Variants in OLFM3 observed in about 807,000 individuals in gnomAD.
OLFM3 encodes the protein olfactomedin 3.
A neutral mutation model predicts 48.6 loss-of-function variants in OLFM3; 20 were observed. The observed-to-expected ratio is 0.41, with a 90% CI of 0.29 to 0.60. The LOEUF (loss-of-function observed/expected upper bound fraction) is 0.60. Ranked by LOEUF, OLFM3 falls within the 20% of genes least tolerant of loss-of-function variation. The pLI, the probability that OLFM3 is intolerant of heterozygous loss-of-function variation, is 0.28. For synonymous variants in OLFM3, 222 were observed against 198.1 expected, an observed-to-expected ratio of 1.12 and a Z score of -1.01; for missense variants, 437 against 544.3, an observed-to-expected ratio of 0.80 and a Z score of 1.96.
chr1:101,924,320 C>T (rs1468162069), intron 1 of OLFM3, among the ~76,000 whole-genome samples: 2 of 152,164 alleles, frequency 1.3e-5, no homozygotes, highest in Non-Finnish European at 2.9e-5. Context: ...GTGAAATTCA[C>T]AGTTCTTATG....
chr1:101,965,264 C>T (rs1660576077), intron 1 of OLFM3, among the ~76,000 whole-genome samples: 1 of 152,112 alleles, frequency 6.6e-6, no homozygotes, highest in African/African-American at 2.4e-5. Flanking sequence ...CGGGAACTAA[C>T]CTTCAGGGCA....
At chr1:101,891,195 A>G (rs940224836) in intron 1 of OLFM3, among the ~76,000 whole-genome samples, 2 of 152,026 alleles carry the variant, frequency 1.3e-5, no homozygotes, top group Admixed American at 1.3e-4. Context: ...GGAAGGATTT[A>G]GCTAGAGATT....
chr1:101,815,514 G>A lies in OLFM3; in HGVS notation c.593-9332C>T, dbSNP rs534249022. On this transcript the variant is annotated intron_variant, in intron 4 of 5. Coordinates refer to ENST00000370103, the MANE Select transcript of OLFM3 (RefSeq NM_058170.4). ...GTGAAAGATGATGGAAGCAGTTGTG[G>A]AGATGGAGAAAAGTAGATGGACTTG... is the stretch of plus-strand genomic sequence containing the variant. Among the ~76,000 whole-genome samples the A allele has an allele frequency of 3.9e-5, 6 of 152,078 alleles. No homozygotes were observed. The South Asian group carries it at 1.2e-3, about 32-fold the overall frequency.
chr1:101,806,041 A>C lies in OLFM3; in HGVS notation c.699+35T>G, dbSNP rs776235811. ...AAGAGAAAAAGTGTAAGCAGAACTT[A>C]ATTCTAAGCAAAGGTGTTTGTGGGA... is the stretch of plus-strand genomic sequence containing the variant. On this transcript the variant is annotated intron_variant, in intron 5 of 5. Coordinates refer to ENST00000370103, the MANE Select transcript of OLFM3 (RefSeq NM_058170.4). 18 of 1,485,808 alleles carry C rather than the reference A, an allele frequency of 1.2e-5. No individual in the cohort carries two copies. In the African/African-American group the frequency reaches 1.5e-4, roughly 13 times the overall value. The allele number at this position is 1,485,808 out of a possible 1,614,324, so 92.0% of individuals were successfully genotyped here. A position where few individuals can be genotyped will look rare whatever the true frequency, so the allele number is the denominator to read the frequency against.
At chr1:101,922,033 T>C (rs1264220365) in intron 1 of OLFM3, among the ~76,000 whole-genome samples, 2 of 151,820 alleles carry the variant, frequency 1.3e-5, no homozygotes, top group African/African-American at 4.8e-5. Context: ...CACTCCAGCC[T>C]GGGTAATAGA....
At chr1:101,911,469 TA>T (rs1267255406) in intron 1 of OLFM3, among the ~76,000 whole-genome samples, 5 of 152,106 alleles carry the variant, frequency 3.3e-5, no homozygotes, top group Non-Finnish European at 5.9e-5. Flanking sequence ...GGACTTACTT[TA>T]AAGATTGTGA....
chr1:101,900,245 C>T (rs532600970), intron 1 of OLFM3, among the ~76,000 whole-genome samples: 104 of 152,212 alleles, frequency 6.8e-4, no homozygotes, highest in African/African-American at 2.3e-3. Flanking sequence ...TGAACACAGA[C>T]TTGAAAAATA....
intron 1 of OLFM3, among the ~76,000 whole-genome samples, chr1:101,841,711 T>G (rs1250166700): frequency 6.6e-6 from 1 of 152,236 alleles, no homozygotes; most frequent in Non-Finnish European, 1.5e-5. Flanking sequence ...AAGAGAATTC[T>G]GATCCTTTGA....
At chr1:101,966,608 C>G (rs368711739) in intron 1 of OLFM3, among the ~76,000 whole-genome samples, 1 of 152,070 alleles carries the variant, frequency 6.6e-6, no homozygotes, top group African/African-American at 2.4e-5. Context: ...AAAATGTTTT[C>G]ATGTTATGTG....
chr1:101,959,257 T>C (rs1243717848), intron 1 of OLFM3, among the ~76,000 whole-genome samples: 1 of 152,076 alleles, frequency 6.6e-6, no homozygotes, highest in Non-Finnish European at 1.5e-5. Context: ...GATAAAAATA[T>C]AAAGCCAAAC....
chr1:101,956,564 A>G (rs1391033037), intron 1 of OLFM3, among the ~76,000 whole-genome samples: 5 of 151,922 alleles, frequency 3.3e-5, no homozygotes, highest in South Asian at 2.1e-4. Flanking sequence ...CCAGAGTTCT[A>G]CCTTCAATGG....
intron 1 of OLFM3, among the ~76,000 whole-genome samples, chr1:101,984,722 T>C (rs1236806798): frequency 1.3e-5 from 2 of 152,210 alleles, no homozygotes; most frequent in Non-Finnish European, 2.9e-5. Context: ...TTCTATATTA[T>C]CTATCTTCTT....
At chr1:101,935,524 A>G (rs1161377268) in intron 1 of OLFM3, among the ~76,000 whole-genome samples, 1 of 152,158 alleles carries the variant, frequency 6.6e-6, no homozygotes, top group Non-Finnish European at 1.5e-5. Context: ...AGATGGAATC[A>G]TAGCTGAATT....
At position 101,855,893 on chromosome 1, in the gene OLFM3, G is replaced by T. The variant is rs141454194; in HGVS notation, c.70-18868C>A. ...GTGGTTGTGTGAAAGAACAAAATTG[G>T]ATCTTCAAATGTGCAATTTTCTGAA... On this transcript the variant is annotated intron_variant, in intron 1 of 5. Coordinates refer to ENST00000370103, the MANE Select transcript of OLFM3 (RefSeq NM_058170.4). Among the ~76,000 whole-genome samples, 64 of 152,098 alleles carry T rather than the reference G, an allele frequency of 4.2e-4. 2 individuals carry two copies. The East Asian group carries it at 7.9e-3, about 19-fold the overall frequency.
At chr1:101,881,578 G>A (rs1373179362) in intron 1 of OLFM3, among the ~76,000 whole-genome samples, 2 of 151,748 alleles carry the variant, frequency 1.3e-5, no homozygotes, top group African/African-American at 4.8e-5. Context: ...ATAACAATAA[G>A]GAGTAAGCCA....
intron 1 of OLFM3, among the ~76,000 whole-genome samples, chr1:101,850,140 C>A (rs1656165926): frequency 9.3e-6 from 1 of 107,790 alleles, no homozygotes; most frequent in East Asian, 2.2e-4. Flanking sequence ...TTCAAAATAA[C>A]AAACCAAAAT....
chr1:101,821,236 T>C (rs1024876226), intron 4 of OLFM3, among the ~76,000 whole-genome samples: 3 of 152,114 alleles, frequency 2.0e-5, no homozygotes, highest in African/African-American at 7.2e-5. Flanking sequence ...TGCCAGGAAA[T>C]GTAAATACTA....
intron 1 of OLFM3, among the ~76,000 whole-genome samples, chr1:101,872,200 G>A (rs752897065): frequency 5.9e-5 from 9 of 152,180 alleles, no homozygotes; most frequent in Non-Finnish European, 1.2e-4. Flanking sequence ...TAGGCTATAT[G>A]TGCATCAACA....
rs1186979080 is a variant in OLFM3, at chr1:101,825,083, G to T, written c.535C>A (p.Leu179Ile). ...EEIGAYDYEE[L>I]HQRVLSLETR... ...TCCAAGCTCAGCACTCTTTGGTGTA[G>T]TTCCTCGTAGTCATAGGCACCAATT... is the stretch of plus-strand genomic sequence containing the variant. Residue 179 changes from leucine to isoleucine, a missense_variant, in exon 4 of 6, where the codon CTA (leucine) becomes ATA (isoleucine). By Grantham distance (5) the Leu-to-Ile change is conservative (BLOSUM62 2). Around this residue, in one of 3 missense-constraint regions of OLFM3, gnomAD observed 314 missense variants for 365.5 expected, o/e 0.86. Transcript: ENST00000370103. 1.2e-6 allele frequency: 2 copies of T among 1,614,100 alleles called. No homozygotes were observed. The highest frequency in any genetic ancestry group is 1.7e-5 in the Admixed American group (1 of 60,010).
Sources: allele counts gnomAD v4.1 joint callset (sites outside exome capture counted in the v4.1 genomes callset), GRCh38; gene constraint gnomAD v4.1.1; regional missense constraint gnomAD v4.1.1; transcripts MANE v1.5; gene names NCBI Gene and HGNC (gene_info 2026-07-23, HGNC 2026-07-21).